ARFGEF2: variants seen among roughly 807,000 people sequenced by gnomAD.
The protein encoded by ARFGEF2 is brefeldin A-inhibited guanine nucleotide-exchange protein 2.
Under a neutral mutation model 219.9 loss-of-function variants are expected in ARFGEF2, and 74 were observed. That is an observed-to-expected ratio of 0.34 (90% CI 0.28 to 0.41). ARFGEF2 has a LOEUF of 0.41. Among genes scored for constraint, ARFGEF2 ranks in the 10% least tolerant of loss-of-function variants. The pLI is 1.00. For synonymous variants in ARFGEF2, 733 were observed against 799.2 expected, an observed-to-expected ratio of 0.92 and a Z score of 1.40; for missense variants, 1,743 against 2,218.3, an observed-to-expected ratio of 0.79 and a Z score of 4.30.
intron 21 of ARFGEF2, 67 bp from the exon 22 acceptor site, chr20:48,994,383 TA>T: frequency 6.2e-7 from 1 of 1,600,498 alleles, no homozygotes. Flanking sequence ...ATGACTAACT[TA>T]AGATTACAGT....
intron 6 of ARFGEF2, among the ~76,000 whole-genome samples, chr20:48,956,829 C>T (rs2091108764): frequency 6.6e-6 from 1 of 152,230 alleles, no homozygotes; most frequent in Admixed American, 6.5e-5. Flanking sequence ...ATCCACCCGT[C>T]TCGGCCTCCC....
intron 31 of ARFGEF2, among the ~76,000 whole-genome samples, chr20:49,016,807 G>T (rs1369483291): frequency 6.6e-6 from 1 of 152,056 alleles, no homozygotes; most frequent in African/African-American, 2.4e-5. Context: ...CATTAGAACT[G>T]GATTCCATAG....
chr20:48,965,670 G>A (rs985277367), intron 7 of ARFGEF2, among the ~76,000 whole-genome samples: 2 of 152,230 alleles, frequency 1.3e-5, no homozygotes, highest in African/African-American at 4.8e-5. Flanking sequence ...CAGTGGGGCT[G>A]TGGATAACAA....
chr20:49,031,019 G>A (rs1044297120), intron 37 of ARFGEF2, among the ~76,000 whole-genome samples: 83 of 152,142 alleles, frequency 5.5e-4, no homozygotes, highest in African/African-American at 1.7e-3. Flanking sequence ...ATATGTAAAT[G>A]TCAAGTTTTT....
chr20:48,978,735 A>G (rs1600628890), intron 14 of ARFGEF2, among the ~76,000 whole-genome samples: 1 of 152,166 alleles, frequency 6.6e-6, no homozygotes. Flanking sequence ...CTTTGTAGCA[A>G]TTGTGAATGG....
chr20:49,022,585 A>G (rs1459121303), intron 34 of ARFGEF2, among the ~76,000 whole-genome samples: 2 of 152,220 alleles, frequency 1.3e-5, no homozygotes, highest in African/African-American at 4.8e-5. Context: ...GAACCTGCAT[A>G]GCTGATTCCC....
intron 9 of ARFGEF2, among the ~76,000 whole-genome samples, chr20:48,969,708 G>T (rs1334810734): frequency 6.6e-6 from 1 of 152,184 alleles, no homozygotes; most frequent in Admixed American, 6.5e-5. Context: ...ACATTTCTTT[G>T]TAGTAAACAA....
chr20:49,031,903 G>C, intron 37 of ARFGEF2, 146 bp from the exon 38 acceptor site: 2 of 718,448 alleles, frequency 2.8e-6, no homozygotes, highest in Non-Finnish European at 4.9e-6. Context: ...GGGCCGCAGA[G>C]CAAGACCCTG....
At chr20:49,008,960 G>A (rs939727286) in intron 26 of ARFGEF2, among the ~76,000 whole-genome samples, 5 of 152,056 alleles carry the variant, frequency 3.3e-5, no homozygotes, top group African/African-American at 9.7e-5. Flanking sequence ...CACCTGCTTC[G>A]GCCTCCCGAA....
At chr20:48,923,492 A>G (rs1012538420) in intron 1 of ARFGEF2, among the ~76,000 whole-genome samples, 9 of 152,164 alleles carry the variant, frequency 5.9e-5, no homozygotes, top group Non-Finnish European at 1.0e-4. Flanking sequence ...TAATCTGGAA[A>G]CAGTTGCTAG....
chr20:48,939,860 C>T (rs2090982902), intron 1 of ARFGEF2, among the ~76,000 whole-genome samples: 1 of 152,182 alleles, frequency 6.6e-6, no homozygotes, highest in African/African-American at 2.4e-5. Flanking sequence ...GCCTTCAGTA[C>T]CGTGTCCTGG....
At chr20:49,030,718 G>T (rs1241026696) in intron 37 of ARFGEF2, among the ~76,000 whole-genome samples, 1 of 152,150 alleles carries the variant, frequency 6.6e-6, no homozygotes, top group Non-Finnish European at 1.5e-5. Flanking sequence ...GATATGTAGG[G>T]CCGGGCGCGG....
At chr20:48,946,217 A>T (rs2091025509) in intron 3 of ARFGEF2, among the ~76,000 whole-genome samples, 1 of 152,186 alleles carries the variant, frequency 6.6e-6, no homozygotes, top group Admixed American at 6.5e-5. Flanking sequence ...AGCTTGGCGC[A>T]GCAGTAGGAG....
At chr20:48,969,310 T>G in intron 9 of ARFGEF2, 33 bp downstream of exon 9, 1 of 1,613,960 alleles carries the variant, frequency 6.2e-7, no homozygotes, top group Non-Finnish European at 8.5e-7. Flanking sequence ...CCACCTTCAG[T>G]CCAATGATCC....
rs2091596653 is a variant in ARFGEF2 at position 49,025,487 on chromosome 20, G to A, written c.4924+6G>A. On this transcript the variant is annotated splice_donor_region_variant and intron_variant, in intron 36 of 38. Coordinates refer to ENST00000371917, the MANE Select transcript of ARFGEF2 (RefSeq NM_006420.3). The stretch of plus-strand genomic sequence containing the variant: ...GACTGTCCTGTGGCGAGCAGGTAAG[G>A]CCACACAGCAGATAAGATAGATGGC... 1 of 1,613,830 alleles carries A rather than the reference G, an allele frequency of 6.2e-7. No homozygotes were observed. The highest frequency in any genetic ancestry group is 1.1e-5 in the South Asian group (1 of 91,038).
intron 8 of ARFGEF2, among the ~76,000 whole-genome samples, chr20:48,966,943 C>A (rs6019558): frequency 0.36 from 54,997 of 152,074 alleles, 10,793 homozygotes; most frequent in African/African-American, 0.53. Context: ...ACTTCCTGGG[C>A]TCAAATGATC....
Position 48,951,388 on chromosome 20 carries a change from G to A in ARFGEF2, c.342G>A (p.Leu114=). 6.2e-7 allele frequency: 1 copy of A among 1,614,238 alleles called. No individual in the cohort carries two copies. Among genetic ancestry groups the A allele is most frequent in the Non-Finnish European group, 8.5e-7 (1 of 1,180,044 alleles). The change falls in exon 4 of 39, where the codon CTG becomes CTA. Residue 114 remains leucine, a synonymous_variant. Transcript: ENST00000371917. ...APDSGAPGKR[L]IDRIVETICS... ...ACAGTGGAGCCCCTGGGAAGCGGCT[G>A]ATCGACAGAATTGTTGAAACCATTT...
intron 6 of ARFGEF2, among the ~76,000 whole-genome samples, chr20:48,960,847 C>T (rs73611311): frequency 2.0e-5 from 3 of 150,326 alleles, no homozygotes; most frequent in Non-Finnish European, 3.0e-5. Context: ...TTTGGGAGGC[C>T]GAGGCAGGCA....
chr20:49,029,902 A>AATTTTTT (rs1555816762), intron 37 of ARFGEF2, among the ~76,000 whole-genome samples: 1 of 97,788 alleles, frequency 1.0e-5, no homozygotes. Context: ...CTAAAAGTGA[A>AATTTTTT]TTTTTTTTTT....
Sources: allele counts gnomAD v4.1 joint callset (sites outside exome capture counted in the v4.1 genomes callset), GRCh38; gene constraint gnomAD v4.1.1; transcripts MANE v1.5; gene names NCBI Gene and HGNC (gene_info 2026-07-23, HGNC 2026-07-21).